Variants in PCDHGA1 observed in about 807,000 individuals in gnomAD.
PCDHGA1 encodes protocadherin gamma subfamily A, 1, also known as protocadherin gamma-A1.
In PCDHGA1, 32 loss-of-function variants were observed where a neutral mutation model predicts 58.0. The observed-to-expected ratio is 0.55, with a 90% CI of 0.42 to 0.74. The LOEUF is 0.74. Among genes scored for constraint, PCDHGA1 ranks in the 30% least tolerant of loss-of-function variants. PCDHGA1 has a pLI of 0.00. For missense variants in PCDHGA1, 1,205 were observed against 1,182.3 expected (o/e 1.02, Z -0.28); for synonymous variants, 498 against 501.1 (o/e 0.99, Z 0.08).
intron 1 of PCDHGA1, among the ~76,000 whole-genome samples, chr5:141,449,440 C>T (rs2098639026): frequency 6.6e-6 from 1 of 151,742 alleles, no homozygotes; most frequent in Admixed American, 6.6e-5. Flanking sequence ...AACTCCATCT[C>T]TACTAAAAAT....
At chr5:141,398,670 A>T in intron 1 of PCDHGA1, 1 of 1,613,830 alleles carries the variant, frequency 6.2e-7, no homozygotes, top group Non-Finnish European at 8.5e-7. Flanking sequence ...TCTCATTAAT[A>T]ATTAAGGAGA....
At chr5:141,360,253 G>A in intron 1 of PCDHGA1, 1 of 1,613,900 alleles carries the variant, frequency 6.2e-7, no homozygotes, top group Non-Finnish European at 8.5e-7. Flanking sequence ...AATTCCAGAG[G>A]AGCTGGCCAA....
intron 1 of PCDHGA1, chr5:141,423,599 C>T (rs1185412610): frequency 6.2e-7 from 1 of 1,612,844 alleles, no homozygotes; most frequent in Non-Finnish European, 8.5e-7. Context: ...AAAAGCGAGC[C>T]ACTCTTGATA....
intron 1 of PCDHGA1, among the ~76,000 whole-genome samples, chr5:141,349,841 T>C (rs1467233687): frequency 6.6e-6 from 1 of 152,216 alleles, no homozygotes; most frequent in Non-Finnish European, 1.5e-5. Flanking sequence ...CCTTGTGAAT[T>C]TTTTAAATGA....
intron 1 of PCDHGA1, among the ~76,000 whole-genome samples, chr5:141,452,137 G>A (rs2154563838): frequency 6.6e-6 from 1 of 152,162 alleles, no homozygotes; most frequent in East Asian, 1.9e-4. Flanking sequence ...TGGCTCATGT[G>A]TTTTTTCCAA....
chr5:141,493,935 C>T lies in PCDHGA1; in HGVS notation c.2422-872C>T, dbSNP rs1317863228. Among the ~76,000 whole-genome samples the T allele has an allele frequency of 6.6e-6, 1 of 152,158 alleles. No homozygotes were observed. Among genetic ancestry groups the T allele is most frequent in the Non-Finnish European group, 1.5e-5 (1 of 68,020 alleles). On this transcript the variant is annotated intron_variant, in intron 1 of 3. Coordinates refer to ENST00000517417, the MANE Select transcript of PCDHGA1 (RefSeq NM_018912.3). This position sits in a 1 kb window ranked among gnomAD's most constrained non-coding sequence, Gnocchi z 4.3. Reference sequence around the variant, plus strand: ...TGGGATAACACACCCCCTGGAAAGACCAGAAGGGACTCAGGAATGAAGTGG... The same window carrying T: ...TGGGATAACACACCCCCTGGAAAGATCAGAAGGGACTCAGGAATGAAGTGG...
At chr5:141,351,488 C>T in intron 1 of PCDHGA1, 1 of 1,613,968 alleles carries the variant, frequency 6.2e-7, no homozygotes. Context: ...AAACCGGGAG[C>T]AGACAGCAGA....
At chr5:141,401,599 G>A (rs368569328) in intron 1 of PCDHGA1, among the ~76,000 whole-genome samples, 22 of 152,278 alleles carry the variant, frequency 1.4e-4, no homozygotes, top group African/African-American at 4.8e-4. Context: ...CTTGAAGAAG[G>A]GGAAAAAGAC....
intron 1 of PCDHGA1, among the ~76,000 whole-genome samples, chr5:141,459,334 A>G (rs987526492): frequency 5.9e-5 from 9 of 152,116 alleles, no homozygotes; most frequent in Admixed American, 1.3e-4. Flanking sequence ...TTTTACTCCA[A>G]AGTTCTTGAA....
intron 1 of PCDHGA1, chr5:141,391,114 A>G (rs2092301730): frequency 6.6e-6 from 1 of 152,176 alleles, no homozygotes; most frequent in African/African-American, 2.4e-5. Context: ...TAATATAGCT[A>G]GAGGTCTTCT....
chr5:141,468,832 C>G (rs530307522), intron 1 of PCDHGA1, among the ~76,000 whole-genome samples: 1 of 152,164 alleles, frequency 6.6e-6, no homozygotes, highest in South Asian at 2.1e-4. Flanking sequence ...AGCCACTGCA[C>G]TCCAGCCTGG....
intron 1 of PCDHGA1, chr5:141,393,135 A>T: frequency 6.2e-7 from 1 of 1,613,294 alleles, no homozygotes; most frequent in Non-Finnish European, 8.5e-7. Context: ...AAATATTAAC[A>T]CCCTGGTTGA....
intron 1 of PCDHGA1, among the ~76,000 whole-genome samples, chr5:141,466,570 T>C (rs967163331): frequency 6.6e-6 from 1 of 152,202 alleles, no homozygotes; most frequent in East Asian, 1.9e-4. Flanking sequence ...TCTTCAACAT[T>C]GTCTCATCCC....
intron 1 of PCDHGA1, chr5:141,394,562 G>A (rs1381162611): frequency 2.5e-6 from 4 of 1,614,088 alleles, no homozygotes; most frequent in Admixed American, 3.3e-5. Flanking sequence ...GCTCCGCAGA[G>A]CGTGGCTACC....
intron 2 of PCDHGA1, among the ~76,000 whole-genome samples, chr5:141,500,112 C>G (rs2099796438): frequency 6.8e-6 from 1 of 147,138 alleles, no homozygotes; most frequent in Non-Finnish European, 1.5e-5. Context: ...TGTTGAATCC[C>G]TGCCTTTTCA....
chr5:141,403,210 C>G (rs369033480), intron 1 of PCDHGA1: 1 of 1,613,946 alleles, frequency 6.2e-7, no homozygotes, highest in Admixed American at 1.7e-5. Flanking sequence ...CCTTGGTCAC[C>G]GCGGGTAGGA....
At position 141,348,806 on chromosome 5, in the gene PCDHGA1, A is replaced by G. The variant is rs901855312; in HGVS notation, c.2421+15701A>G. On this transcript the variant is annotated intron_variant, in intron 1 of 3. Transcript: ENST00000517417. The stretch of plus-strand genomic sequence containing the variant: ...GTGAAAAGGTATCTTAAGAAAACAG[A>G]TAATAGGCTGTTTCGAATAGAGTAT... Among the ~76,000 whole-genome samples the G allele has an allele frequency of 4.6e-5, 7 of 152,224 alleles. 1 individual carries two copies. The highest frequency in any genetic ancestry group is 3.3e-4 in the Admixed American group (5 of 15,286).
At chr5:141,372,684 G>T in intron 1 of PCDHGA1, 10 of 1,613,968 alleles carry the variant, frequency 6.2e-6, no homozygotes, top group Non-Finnish European at 8.5e-6. Context: ...CTCAAACACC[G>T]AGTTTAAATT....
intron 1 of PCDHGA1, chr5:141,419,815 A>T: frequency 6.2e-7 from 1 of 1,613,988 alleles, no homozygotes. Context: ...GAGGACAGCC[A>T]CCCCTTTCAG....
Sources: allele counts gnomAD v4.1 joint callset (sites outside exome capture counted in the v4.1 genomes callset), GRCh38; gene constraint gnomAD v4.1.1; non-coding constraint Gnocchi (gnomAD v3.1); transcripts MANE v1.5; gene names NCBI Gene and HGNC (gene_info 2026-07-23, HGNC 2026-07-21).